TRABD2B: variants seen among roughly 807,000 people sequenced by gnomAD.
TRABD2B encodes the protein TraB domain containing 2B.
TRABD2B carries 14 observed loss-of-function variants against 40.1 expected under a neutral mutation model. The observed-to-expected ratio is 0.35, with a 90% CI of 0.23 to 0.55. The LOEUF (loss-of-function observed/expected upper bound fraction) is 0.55, where lower values mean the gene tolerates loss of function less well. TRABD2B is among the 20% of genes least tolerant of loss of function. The pLI, the probability that TRABD2B is intolerant of heterozygous loss-of-function variation, is 0.90. For synonymous variants in TRABD2B, 263 were observed against 277.0 expected (o/e 0.95, Z 0.50); for missense variants, 541 against 648.6 (o/e 0.83, Z 1.80).
chr1:47,915,006 C>T (rs1409559026), intron 2 of TRABD2B, among the ~76,000 whole-genome samples: 1 of 152,228 alleles, frequency 6.6e-6, no homozygotes, highest in African/African-American at 2.4e-5. Flanking sequence ...CACTTCAGTA[C>T]AGCGAGACAA....
chr1:47,915,895 C>T (rs562446724), intron 2 of TRABD2B, among the ~76,000 whole-genome samples: 2 of 152,298 alleles, frequency 1.3e-5, no homozygotes, highest in Admixed American at 6.5e-5. Flanking sequence ...CAAGCTGCTG[C>T]GTAGCCATGG....
Position 47,994,697 on chromosome 1 carries a change from G to T in TRABD2B, c.103-100C>A. 1.9e-6 allele frequency: 2 copies of T among 1,079,314 alleles called. No individual in the cohort carries two copies. Among genetic ancestry groups the T allele is most frequent in the Non-Finnish European group, 2.6e-6 (2 of 763,124 alleles). 66.9% of individuals were successfully genotyped at this position (1,079,314 alleles called of 1,614,324 possible). On this transcript the variant is annotated intron_variant, in intron 1 of 6. Coordinates refer to ENST00000606738, the MANE Select transcript of TRABD2B (RefSeq NM_001194986.2). This position sits in a 1 kb window ranked among gnomAD's most constrained non-coding sequence, Gnocchi z 6.7. ...TTGCAGAGGGAGGTGGGGATGGGAGGCAGAGACCATACACAGGCCGTGGTA... is the reference window on the plus strand; with the variant it reads ...TTGCAGAGGGAGGTGGGGATGGGAGTCAGAGACCATACACAGGCCGTGGTA...
chr1:47,859,293 ACAGC>A (rs1226077002), intron 2 of TRABD2B, among the ~76,000 whole-genome samples: 1 of 152,034 alleles, frequency 6.6e-6, no homozygotes, highest in Non-Finnish European at 1.5e-5. Flanking sequence ...GTGGTTACCC[ACAGC>A]CAGCCAGCCT....
At chr1:47,914,804 G>A (rs1202008538) in intron 2 of TRABD2B, among the ~76,000 whole-genome samples, 2 of 152,226 alleles carry the variant, frequency 1.3e-5, no homozygotes, top group African/African-American at 2.4e-5. Flanking sequence ...GCAAGGGCCA[G>A]GGAATGAGCA....
chr1:47,833,926 A>C (rs1188649282), intron 2 of TRABD2B, among the ~76,000 whole-genome samples: 1 of 152,260 alleles, frequency 6.6e-6, no homozygotes. Flanking sequence ...AGGGAACATT[A>C]ATCAGCAAAA....
At chr1:47,965,491 T>C (rs1645589617) in intron 2 of TRABD2B, among the ~76,000 whole-genome samples, 1 of 152,072 alleles carries the variant, frequency 6.6e-6, no homozygotes, top group Admixed American at 6.6e-5. Context: ...GGACTCACTT[T>C]GGCAATATCT....
intron 2 of TRABD2B, among the ~76,000 whole-genome samples, chr1:47,917,181 A>G (rs1187519519): frequency 6.6e-6 from 1 of 152,158 alleles, no homozygotes; most frequent in Non-Finnish European, 1.5e-5. Flanking sequence ...GTGAGAAGAG[A>G]GAGTTCCACA....
intron 2 of TRABD2B, among the ~76,000 whole-genome samples, chr1:47,911,858 C>A (rs1183835114): frequency 6.6e-6 from 1 of 152,172 alleles, no homozygotes; most frequent in Non-Finnish European, 1.5e-5. Flanking sequence ...ATGAAATAAG[C>A]ACAGGGACTT....
intron 2 of TRABD2B, among the ~76,000 whole-genome samples, chr1:47,919,659 C>T (rs1644876524): frequency 6.6e-6 from 1 of 152,202 alleles, no homozygotes; most frequent in African/African-American, 2.4e-5. Context: ...GAGCAATGCA[C>T]AGGGCAAGAG....
At chr1:47,844,320 G>C (rs1645439144) in intron 2 of TRABD2B, among the ~76,000 whole-genome samples, 1 of 152,194 alleles carries the variant, frequency 6.6e-6, no homozygotes, top group Non-Finnish European at 1.5e-5. Context: ...AGGGAGGGTG[G>C]CTCTTGGGGG....
intron 2 of TRABD2B, among the ~76,000 whole-genome samples, chr1:47,953,849 C>T (rs1017642139): frequency 2.6e-5 from 4 of 152,180 alleles, no homozygotes; most frequent in African/African-American, 9.7e-5. Context: ...GCCTCCCACT[C>T]CAGTGCTCCA....
intron 2 of TRABD2B, among the ~76,000 whole-genome samples, chr1:47,932,561 G>C (rs1386062317): frequency 6.6e-6 from 1 of 152,166 alleles, no homozygotes; most frequent in African/African-American, 2.4e-5. Context: ...GATCAGGAGA[G>C]AGTGAGAAAT....
intron 2 of TRABD2B, among the ~76,000 whole-genome samples, chr1:47,912,165 A>G (rs746312006): frequency 9.2e-5 from 14 of 152,236 alleles, no homozygotes; most frequent in Non-Finnish European, 1.5e-4. Context: ...GGCAGGAGTG[A>G]GCAACAGGCA....
chr1:47,845,648 A>G (rs909730617), intron 2 of TRABD2B, among the ~76,000 whole-genome samples: 1 of 152,228 alleles, frequency 6.6e-6, no homozygotes, highest in Non-Finnish European at 1.5e-5. Flanking sequence ...CTCCTCAGGC[A>G]TATGTGCAGC....
chr1:47,907,022 T>C (rs1178511425), intron 2 of TRABD2B, among the ~76,000 whole-genome samples: 1 of 152,152 alleles, frequency 6.6e-6, no homozygotes, highest in Non-Finnish European at 1.5e-5. Context: ...TGCCTGTACA[T>C]GACAGGCAGC....
chr1:47,987,134 A>G (rs1645930733), intron 2 of TRABD2B, among the ~76,000 whole-genome samples: 1 of 152,120 alleles, frequency 6.6e-6, no homozygotes, highest in Non-Finnish European at 1.5e-5. Context: ...TCCCATTTTT[A>G]TCTCCGTCAG....
chr1:47,973,393 C>G (rs1020400564), intron 2 of TRABD2B, among the ~76,000 whole-genome samples: 4 of 152,214 alleles, frequency 2.6e-5, no homozygotes, highest in South Asian at 4.1e-4. Flanking sequence ...GGGCATTATT[C>G]TAATCTCACC....
At chr1:47,890,847 C>T (rs1644434943) in intron 2 of TRABD2B, among the ~76,000 whole-genome samples, 1 of 152,194 alleles carries the variant, frequency 6.6e-6, no homozygotes, top group Non-Finnish European at 1.5e-5. Flanking sequence ...ATCCTCTGTG[C>T]ATCTTCATTA....
In TRABD2B at chr1:47,962,264, A is replaced by G. The variant is rs562533226; in HGVS notation, c.666+31770T>C. Reference sequence around the variant, plus strand: ...GCATTAGGAGATATACCTAATGTAAATGACGAGTTAATGGGTGCAGCACAA... The same window carrying G: ...GCATTAGGAGATATACCTAATGTAAGTGACGAGTTAATGGGTGCAGCACAA... On this transcript the variant is annotated intron_variant, in intron 2 of 6. Coordinates refer to ENST00000606738, the MANE Select transcript of TRABD2B (RefSeq NM_001194986.2). Among the ~76,000 whole-genome samples the G allele has an allele frequency of 7.9e-5, 12 of 152,272 alleles. No homozygotes were observed. In the South Asian group the frequency reaches 8.3e-4, roughly 11 times the overall value.
Sources: allele counts gnomAD v4.1 joint callset (sites outside exome capture counted in the v4.1 genomes callset), GRCh38; gene constraint gnomAD v4.1.1; non-coding constraint Gnocchi (gnomAD v3.1); transcripts MANE v1.5; gene names NCBI Gene and HGNC (gene_info 2026-07-23, HGNC 2026-07-21).